CYP7B1: variants seen among roughly 807,000 people sequenced by gnomAD.
CYP7B1 encodes the protein cytochrome P450 7B1.
Under a neutral mutation model 42.7 loss-of-function variants are expected in CYP7B1, and 29 were observed. The observed-to-expected ratio is 0.68, with a 90% CI of 0.51 to 0.93. The LOEUF (loss-of-function observed/expected upper bound fraction) is 0.93. Among genes scored for constraint, CYP7B1 ranks in the 40% least tolerant of loss-of-function variants. CYP7B1 has a pLI of 0.00. For synonymous variants in CYP7B1, 235 were observed against 218.2 expected (o/e 1.08, Z -0.68); for missense variants, 655 against 600.5 (o/e 1.09, Z -0.95).
At chr8:64,790,583 A>T (rs1171865893) in intron 1 of CYP7B1, among the ~76,000 whole-genome samples, 2 of 152,212 alleles carry the variant, frequency 1.3e-5, no homozygotes, top group Non-Finnish European at 2.9e-5. Flanking sequence ...TCTTTAAGCC[A>T]TAAGTTATCT....
chr8:64,649,405 C>T (rs1806004061), intron 1 of CYP7B1, among the ~76,000 whole-genome samples: 1 of 152,144 alleles, frequency 6.6e-6, no homozygotes, highest in Non-Finnish European at 1.5e-5. Context: ...CGTTTTAAGG[C>T]TATATAACAT....
intron 1 of CYP7B1, among the ~76,000 whole-genome samples, chr8:64,789,338 GACT>G (rs1451819143): frequency 6.6e-6 from 1 of 152,140 alleles, no homozygotes; most frequent in Non-Finnish European, 1.5e-5. Context: ...CTGTGCTCAT[GACT>G]ACTTTTCATG....
At chr8:64,694,055 C>A (rs1002810179) in intron 1 of CYP7B1, among the ~76,000 whole-genome samples, 1 of 152,064 alleles carries the variant, frequency 6.6e-6, no homozygotes, top group African/African-American at 2.4e-5. Flanking sequence ...TTTCAAAGGG[C>A]AACTGAAAAG....
intron 1 of CYP7B1, among the ~76,000 whole-genome samples, chr8:64,739,656 A>G (rs947486130): frequency 1.3e-5 from 2 of 152,246 alleles, no homozygotes. Flanking sequence ...ATTTGATGTA[A>G]TAATGCCTTC....
intron 1 of CYP7B1, among the ~76,000 whole-genome samples, chr8:64,789,789 G>T (rs958401055): frequency 1.3e-5 from 2 of 152,232 alleles, no homozygotes; most frequent in African/African-American, 4.8e-5. Flanking sequence ...ATGACCCACT[G>T]CTTGTGCAGG....
At chr8:64,710,892 A>T (rs1445193895) in intron 1 of CYP7B1, among the ~76,000 whole-genome samples, 2 of 151,998 alleles carry the variant, frequency 1.3e-5, no homozygotes, top group African/African-American at 4.8e-5. Flanking sequence ...ATATTCAAGC[A>T]GCCCAATTTT....
At chr8:64,698,484 A>G (rs1806865641) in intron 1 of CYP7B1, among the ~76,000 whole-genome samples, 2 of 152,324 alleles carry the variant, frequency 1.3e-5, no homozygotes, top group African/African-American at 4.8e-5. Flanking sequence ...AAAGGGAGTT[A>G]GCTGAGTGAG....
chr8:64,767,333 G>C (rs1466607426), intron 1 of CYP7B1, among the ~76,000 whole-genome samples: 1 of 152,172 alleles, frequency 6.6e-6, no homozygotes, highest in Non-Finnish European at 1.5e-5. Flanking sequence ...GGAAAGGAAA[G>C]GGAAATAGAA....
chr8:64,761,445 T>C (rs777936117), intron 1 of CYP7B1, among the ~76,000 whole-genome samples: 1 of 152,154 alleles, frequency 6.6e-6, no homozygotes, highest in Non-Finnish European at 1.5e-5. Flanking sequence ...TTAAACACTT[T>C]AAATATATAT....
chr8:64,748,396 A>G (rs1049863410), intron 1 of CYP7B1, among the ~76,000 whole-genome samples: 1 of 152,010 alleles, frequency 6.6e-6, no homozygotes, highest in Non-Finnish European at 1.5e-5. Context: ...ACACTTCACT[A>G]CAACTGTAAT....
Position 64,633,340 on chromosome 8 carries a change from T to C in CYP7B1, c.123-8801A>G, listed in dbSNP as rs1805724648. ...TGGTTTTGCTTACTCATTCTTTGTC[T>C]ACATAGAAAATCTCAAAGAATCAGT... On this transcript the variant is annotated intron_variant, in intron 1 of 5. Transcript: ENST00000310193. Among the ~76,000 whole-genome samples, 4 of 152,182 alleles carry C rather than the reference T, an allele frequency of 2.6e-5. No individual in the cohort carries two copies. The South Asian group carries it at 8.3e-4, about 32-fold the overall frequency.
intron 2 of CYP7B1, among the ~76,000 whole-genome samples, chr8:64,616,722 T>C (rs1288250401): frequency 6.6e-6 from 1 of 152,220 alleles, no homozygotes; most frequent in African/African-American, 2.4e-5. Flanking sequence ...TCATCTGAGT[T>C]TTGTTCAAAT....
Position 64,610,926 on chromosome 8 carries a change from T to C in CYP7B1, c.1057+4100A>G, listed in dbSNP as rs1424489259. 3.3e-5 allele frequency among the ~76,000 whole-genome samples: 5 copies of C among 152,248 alleles called. No homozygotes were observed. The East Asian group carries it at 5.8e-4, about 18-fold the overall frequency. On this transcript the variant is annotated intron_variant, in intron 4 of 5. Coordinates refer to ENST00000310193, the MANE Select transcript of CYP7B1 (RefSeq NM_004820.5). ...ATTTCTGAACCTCATTATTCAATAA[T>C]TGAATAAAAATAATACTTGACAAAT... is the stretch of plus-strand genomic sequence containing the variant.
At chr8:64,606,695 G>C (rs1246170761) in intron 4 of CYP7B1, among the ~76,000 whole-genome samples, 1 of 152,226 alleles carries the variant, frequency 6.6e-6, no homozygotes, top group Non-Finnish European at 1.5e-5. Flanking sequence ...TTAGCGGTCA[G>C]ATAGTAAGTG....
chr8:64,791,440 G>A (rs1467959915), intron 1 of CYP7B1, among the ~76,000 whole-genome samples: 8 of 152,138 alleles, frequency 5.3e-5, no homozygotes, highest in South Asian at 2.1e-4. Flanking sequence ...GCACGGGCCC[G>A]AGGTAATCAC....
At chr8:64,673,886 A>C (rs549165291) in intron 1 of CYP7B1, among the ~76,000 whole-genome samples, 1 of 152,238 alleles carries the variant, frequency 6.6e-6, no homozygotes, top group Non-Finnish European at 1.5e-5. Flanking sequence ...AGGATGAGAG[A>C]TGAGTGATGA....
chr8:64,629,426 G>T (rs1490596629), intron 1 of CYP7B1, among the ~76,000 whole-genome samples: 2 of 152,118 alleles, frequency 1.3e-5, no homozygotes, highest in Non-Finnish European at 2.9e-5. Context: ...TATTAAAAGT[G>T]CTTAAAGATG....
chr8:64,623,581 T>A lies in CYP7B1; in HGVS notation c.259+822A>T, dbSNP rs1805562492. ...TACATAGTTTGGGTCTTAAAAAATG[T>A]TGTGAACTAGTAACAGTCTAGCTTC... On this transcript the variant is annotated intron_variant, in intron 2 of 5. Coordinates refer to ENST00000310193, the MANE Select transcript of CYP7B1 (RefSeq NM_004820.5). 2.6e-5 allele frequency among the ~76,000 whole-genome samples: 4 copies of A among 152,340 alleles called. No individual in the cohort carries two copies. The South Asian group carries it at 8.3e-4, about 32-fold the overall frequency.
chr8:64,690,325 C>G (rs1176738979), intron 1 of CYP7B1, among the ~76,000 whole-genome samples: 1 of 152,132 alleles, frequency 6.6e-6, no homozygotes, highest in Non-Finnish European at 1.5e-5. Flanking sequence ...ATCGATTGAC[C>G]CTGGGAGGTT....
Sources: allele counts gnomAD v4.1 joint callset (sites outside exome capture counted in the v4.1 genomes callset), GRCh38; gene constraint gnomAD v4.1.1; transcripts MANE v1.5; gene names NCBI Gene and HGNC (gene_info 2026-07-23, HGNC 2026-07-21).